KCNK10: variants seen among roughly 807,000 people sequenced by gnomAD.
KCNK10 encodes the protein potassium channel subfamily K member 10.
KCNK10 carries 25 observed loss-of-function variants against 47.7 expected under a neutral mutation model. The ratio of observed to expected loss-of-function variants is 0.52; its 90% CI spans 0.38 to 0.73. The LOEUF is 0.73. Ranked by LOEUF, KCNK10 falls within the 30% of genes least tolerant of loss-of-function variation. The pLI, the probability that KCNK10 is intolerant of heterozygous loss-of-function variation, is 0.00. For synonymous variants in KCNK10, 303 were observed against 285.6 expected (o/e 1.06, Z -0.61); for missense variants, 563 against 714.5 (o/e 0.79, Z 2.42).
At chr14:88,314,032 A>C (rs1302202888) in intron 1 of KCNK10, among the ~76,000 whole-genome samples, 1 of 152,214 alleles carries the variant, frequency 6.6e-6, no homozygotes, top group Non-Finnish European at 1.5e-5. Context: ...TCATCTCAGC[A>C]ACTGTGAAGT....
chr14:88,299,876 T>C (rs1215931729), intron 1 of KCNK10, among the ~76,000 whole-genome samples: 1 of 152,162 alleles, frequency 6.6e-6, no homozygotes, highest in African/African-American at 2.4e-5. Context: ...GATATCTAAA[T>C]ATGGCCACCA....
intron 2 of KCNK10, among the ~76,000 whole-genome samples, chr14:88,255,746 C>A (rs1181225736): frequency 6.6e-6 from 1 of 151,428 alleles, no homozygotes; most frequent in South Asian, 2.1e-4. Flanking sequence ...CCCCCAGAAA[C>A]GTTCTGAGGA....
Position 88,186,199 on chromosome 14 carries a change from C to T in KCNK10, c.1012-44G>A. 3 of 1,527,484 alleles carry T rather than the reference C, an allele frequency of 2.0e-6. No individual in the cohort carries two copies. Among genetic ancestry groups the T allele is most frequent in the Non-Finnish European group, 2.6e-6 (3 of 1,136,228 alleles). 94.6% of individuals were successfully genotyped at this position (1,527,484 alleles called of 1,614,324 possible). A position where few individuals can be genotyped will look rare whatever the true frequency, so the allele number is the denominator to read the frequency against. ...AGCAACAATATGCTGACAAATGCCTCCCTGCCTTGGCCTCCCAGCACCCAC... is the reference window on the plus strand; with the variant it reads ...AGCAACAATATGCTGACAAATGCCTTCCTGCCTTGGCCTCCCAGCACCCAC... On this transcript the variant is annotated intron_variant, in intron 6 of 6. Transcript: ENST00000319231. This position sits in a 1 kb window ranked among gnomAD's most constrained non-coding sequence, Gnocchi z 5.5.
At chr14:88,244,630 T>TG (rs1482109730) in intron 2 of KCNK10, among the ~76,000 whole-genome samples, 1 of 151,826 alleles carries the variant, frequency 6.6e-6, no homozygotes, top group East Asian at 1.9e-4. Context: ...ATCGCGCTAC[T>TG]GCACTCCAGC....
At chr14:88,275,693 CAAAAAAAAAAAA>C (rs71126972) in intron 1 of KCNK10, among the ~76,000 whole-genome samples, 3 of 72,024 alleles carry the variant, frequency 4.2e-5, no homozygotes, top group Admixed American at 1.8e-4. Context: ...GCTAAAAATA[CAAAAAAAAAAAA>C]AAAAAAAAAA....
At position 88,192,315 on chromosome 14, in the gene KCNK10, G is replaced by A; in HGVS notation, c.777C>T (p.Ile259=). ...CCGTCCAGCCCTCGATGTACTTAAA[G>A]ATGACAGCAGGGATCGTCACAAACA... is the stretch of plus-strand genomic sequence containing the variant. ...CIVFVTIPAV[I]FKYIEGWTAL... is the part of the protein sequence containing the mutation. Residue 259 remains isoleucine (I), a synonymous_variant, in exon 5 of 7, where the codon ATC becomes ATT. Coordinates refer to ENST00000319231, the MANE Select transcript of KCNK10 (RefSeq NM_138317.3). The A allele has an allele frequency of 6.2e-7, 1 of 1,614,170 alleles. No individual in the cohort carries two copies. The highest frequency in any genetic ancestry group is 8.5e-7 in the Non-Finnish European group (1 of 1,180,022).
At chr14:88,256,370 C>G (rs2139744305) in intron 2 of KCNK10, among the ~76,000 whole-genome samples, 1 of 152,294 alleles carries the variant, frequency 6.6e-6, no homozygotes, top group East Asian at 1.9e-4. Flanking sequence ...CCTGAGCCCA[C>G]CGGGTCCCTC....
chr14:88,271,934 A>T (rs953778081), intron 1 of KCNK10, among the ~76,000 whole-genome samples: 2 of 152,048 alleles, frequency 1.3e-5, no homozygotes, highest in Non-Finnish European at 2.9e-5. Flanking sequence ...GGCAAAAAAA[A>T]AAAAAAAGTC....
intron 1 of KCNK10, among the ~76,000 whole-genome samples, chr14:88,299,071 A>G (rs896527607): frequency 6.6e-6 from 1 of 152,170 alleles, no homozygotes; most frequent in Non-Finnish European, 1.5e-5. Context: ...TCCCGTAAGT[A>G]CCGAATACAT....
At chr14:88,200,084 TTCC>T (rs1029506332) in intron 4 of KCNK10, among the ~76,000 whole-genome samples, 2 of 149,892 alleles carry the variant, frequency 1.3e-5, no homozygotes, top group African/African-American at 5.1e-5. Flanking sequence ...CCTTTCTTTC[TTCC>T]TTTCTTCCTT....
At chr14:88,225,732 T>C (rs114315675) in intron 4 of KCNK10, among the ~76,000 whole-genome samples, 2,636 of 152,362 alleles carry the variant, frequency 0.017, 80 homozygotes, top group African/African-American at 0.06. Context: ...AATCCTGTTC[T>C]GAGTGTTCAA....
intron 6 of KCNK10, 65 bp downstream of exon 6, chr14:88,187,902 A>G (rs1884623148): frequency 6.3e-7 from 1 of 1,579,480 alleles, no homozygotes; most frequent in Non-Finnish European, 8.7e-7. Context: ...GGACAGAGAC[A>G]GGCAATTCTG....
At chr14:88,297,881 C>A (rs17124441) in intron 1 of KCNK10, among the ~76,000 whole-genome samples, 1 of 152,160 alleles carries the variant, frequency 6.6e-6, no homozygotes, top group African/African-American at 2.4e-5. Flanking sequence ...CAGACTTAGA[C>A]GTTTCTCTGA....
At chr14:88,201,938 C>T (rs1053772085) in intron 4 of KCNK10, among the ~76,000 whole-genome samples, 4 of 152,166 alleles carry the variant, frequency 2.6e-5, no homozygotes, top group African/African-American at 4.8e-5. Flanking sequence ...GTCAACAGTG[C>T]CCTACCCTTT....
At chr14:88,187,825 ATGAGGAAGCCTATGACCCGCCCCCC>A in intron 6 of KCNK10, 117 bp downstream of exon 6, 1 of 744,566 alleles carries the variant, frequency 1.3e-6, no homozygotes, top group Non-Finnish European at 2.3e-6. Context: ...CTGATTCAAC[ATGAGGAAGCCTATGACCCGCCCCCC>A]GCTCCCCCTG....
chr14:88,250,385 A>C (rs1047887562), intron 2 of KCNK10, among the ~76,000 whole-genome samples: 1 of 152,160 alleles, frequency 6.6e-6, no homozygotes, highest in African/African-American at 2.4e-5. Flanking sequence ...TTCTAAATTC[A>C]AAGCAACAGC....
At chr14:88,245,764 T>C (rs776322130) in intron 2 of KCNK10, among the ~76,000 whole-genome samples, 23 of 152,364 alleles carry the variant, frequency 1.5e-4, no homozygotes, top group Non-Finnish European at 3.1e-4. Flanking sequence ...GCTTTATGCA[T>C]GGACGCTAAT....
chr14:88,326,703 A>G (rs1888671704), upstream of KCNK10: 2 of 536,538 alleles, frequency 3.7e-6, no homozygotes, highest in Non-Finnish European at 3.3e-6. Context: ...GGGTCTCTGC[A>G]GCTCAAAACC....
upstream of KCNK10, chr14:88,326,810 T>C: frequency 3.7e-6 from 1 of 269,294 alleles, no homozygotes; most frequent in Non-Finnish European, 7.0e-6. Context: ...ACCCCAGTCA[T>C]CTCTGGCAAC....
Sources: gnomAD v4.1 joint callset for allele counts (sites outside exome capture counted in the v4.1 genomes callset) on GRCh38, gnomAD v4.1.1 for gene constraint, Gnocchi (gnomAD v3.1) non-coding constraint, MANE v1.5 for transcripts, NCBI Gene and HGNC (gene_info 2026-07-23, HGNC 2026-07-21) for gene names.